Variants in EFCAB13 observed in about 807,000 individuals in gnomAD.
EFCAB13 encodes the protein EF-hand calcium binding domain 13.
In EFCAB13, 91 loss-of-function variants were observed where a neutral mutation model predicts 110.2. The observed-to-expected ratio is 0.83, with a 90% CI of 0.70 to 0.98. The LOEUF is 0.98. Ranked by LOEUF, EFCAB13 falls within the 50% of genes least tolerant of loss-of-function variation. EFCAB13 has a pLI of 0.00. For synonymous variants in EFCAB13, 323 were observed against 369.9 expected, an observed-to-expected ratio of 0.87 and a Z score of 1.45; for missense variants, 968 against 1,119.4, an observed-to-expected ratio of 0.86 and a Z score of 1.93.
At chr17:47,339,953 A>T (rs1191679984) in intron 5 of EFCAB13, 1 of 152,158 alleles carries the variant, frequency 6.6e-6, no homozygotes, top group African/African-American at 2.4e-5. Context: ...ATTAATAAAA[A>T]AGACTACTAT....
In EFCAB13 at chr17:47,438,898, C is replaced by G. The variant is rs372849191; in HGVS notation, c.2639-1533C>G. Among the ~76,000 whole-genome samples, 57 of 152,132 alleles carry G rather than the reference C, an allele frequency of 3.7e-4. 1 individual carries two copies. The highest frequency in any genetic ancestry group is 1.3e-3 in the African/African-American group (53 of 41,514). On this transcript the variant is annotated intron_variant, in intron 24 of 24. Coordinates refer to ENST00000331493, the MANE Select transcript of EFCAB13 (RefSeq NM_152347.5). ...TCACTTTCAGAATCTGTCCTGTACC[C>G]AGGTTCTAATATTAATTTCTGCTTC...
chr17:47,384,636 AATTCTTTTCTTT>A (rs1162753723), intron 14 of EFCAB13, among the ~76,000 whole-genome samples: 1 of 152,082 alleles, frequency 6.6e-6, no homozygotes, highest in Admixed American at 6.5e-5. Context: ...CCAGTTAGAA[AATTCTTTTCTTT>A]AAGAATGTTG....
intron 15 of EFCAB13, 32 bp downstream of exon 15, chr17:47,391,612 G>T: frequency 1.3e-6 from 2 of 1,527,162 alleles, no homozygotes; most frequent in Admixed American, 2.3e-5. Context: ...AAACTGCATT[G>T]ACACATCTGG....
In EFCAB13 at chr17:47,374,820, G is replaced by A. The variant is rs772056120; in HGVS notation, c.1226G>A (p.Ser409Asn). Residue 409 changes from serine (S) to asparagine (N), a missense_variant, in exon 12 of 25, where the codon AGC becomes AAC. By Grantham distance (46) the Ser-to-Asn change is conservative. Transcript: ENST00000331493. ...CATGACTCAAAGTCTAAACCACAAA[G>A]CTTGAAGAGTAGTACAAGCCTCAGT... ...EIHDSKSKPQ[S>N]LKSSTSLSKS... The A allele has an allele frequency of 6.2e-7, 1 of 1,614,040 alleles. No individual in the cohort carries two copies. The highest frequency in any genetic ancestry group is 1.7e-5 in the Admixed American group (1 of 60,014).
At chr17:47,393,607 T>G (rs2065720288) in intron 15 of EFCAB13, among the ~76,000 whole-genome samples, 2 of 151,936 alleles carry the variant, frequency 1.3e-5, no homozygotes, top group Admixed American at 6.6e-5. Context: ...TCCCAGCTGC[T>G]TGGGAGGCTG....
chr17:47,328,801 A>G (rs11867160), intron 4 of EFCAB13: 13,816 of 157,958 alleles, frequency 0.087, 872 homozygotes, highest in East Asian at 0.34. Flanking sequence ...AGATGCCTCC[A>G]CCTTTTTTTG....
chr17:47,397,668 C>T (rs1164925586), intron 17 of EFCAB13, among the ~76,000 whole-genome samples: 83 of 151,890 alleles, frequency 5.5e-4, no homozygotes, highest in African/African-American at 1.8e-3. Context: ...CCCGCCGCCC[C>T]GCCTGGGATG....
chr17:47,422,836 CCAAT>C (rs1253190714), intron 23 of EFCAB13, among the ~76,000 whole-genome samples: 1 of 151,922 alleles, frequency 6.6e-6, no homozygotes, highest in Admixed American at 6.6e-5. Flanking sequence ...CAATGCAATC[CCAAT>C]CAAAAGTCTA....
chr17:47,395,662 G>A (rs955910380), intron 16 of EFCAB13, among the ~76,000 whole-genome samples, 172 bp from the exon 17 acceptor site: 4 of 151,980 alleles, frequency 2.6e-5, no homozygotes, highest in Non-Finnish European at 4.4e-5. Flanking sequence ...TTATATTTTA[G>A]GCTAAATATT....
intron 15 of EFCAB13, 145 bp downstream of exon 15, chr17:47,391,725 G>A (rs1395645780): frequency 4.4e-6 from 3 of 675,676 alleles, no homozygotes; most frequent in African/African-American, 1.9e-5. Flanking sequence ...ATACTCAAAA[G>A]TACAAGAAAA....
chr17:47,331,468 T>TAGAGAGTTA (rs1423001265), intron 4 of EFCAB13, among the ~76,000 whole-genome samples: 1 of 151,938 alleles, frequency 6.6e-6, no homozygotes, highest in African/African-American at 2.4e-5. Flanking sequence ...GAGCAGAAAA[T>TAGAGAGTTA]AGAGAGTTAC....
At chr17:47,430,749 T>C (rs1905099062) in intron 24 of EFCAB13, 1 of 152,118 alleles carries the variant, frequency 6.6e-6, no homozygotes, top group South Asian at 2.1e-4. Context: ...TTCTCAAAAT[T>C]AGTGGATTGT....
At chr17:47,406,550 T>C (rs1168753302) in intron 20 of EFCAB13, among the ~76,000 whole-genome samples, 1 of 152,230 alleles carries the variant, frequency 6.6e-6, no homozygotes, top group Non-Finnish European at 1.5e-5. Context: ...CCTCAACTTT[T>C]ATATTTACTA....
intron 5 of EFCAB13, among the ~76,000 whole-genome samples, chr17:47,341,670 C>CA (rs112526843): frequency 0.023 from 3,432 of 151,446 alleles, 104 homozygotes; most frequent in East Asian, 0.18. Context: ...CCAATCTCTA[C>CA]AAAAAAAGAC....
In EFCAB13 at chr17:47,404,005, A is replaced by G. The variant is rs1171993274; in HGVS notation, c.2145A>G (p.Gln715=). The change falls in exon 19 of 25, where the codon CAA becomes CAG. Residue 715 remains glutamine (Q), a synonymous_variant. Coordinates refer to ENST00000331493, the MANE Select transcript of EFCAB13 (RefSeq NM_152347.5). ...AAGAAGAGGTAGAGAAAATTCTTCA[A>G]TCAGATTTTGTTTCTGGTAAGCATT... is the stretch of plus-strand genomic sequence containing the variant. ...SPKEEVEKIL[Q]SDFVSEDNMV... is the part of the protein sequence containing the mutation. The G allele has an allele frequency of 3.8e-6, 6 of 1,593,602 alleles. No individual in the cohort carries two copies. Among genetic ancestry groups the G allele is most frequent in the Non-Finnish European group, 5.1e-6 (6 of 1,173,018 alleles).
chr17:47,407,692 G>A (rs558518133), intron 20 of EFCAB13, among the ~76,000 whole-genome samples: 7 of 152,266 alleles, frequency 4.6e-5, no homozygotes, highest in African/African-American at 1.7e-4. Context: ...GAGTTGATTT[G>A]ACAGACAACC....
At chr17:47,384,421 C>T (rs1347289759) in intron 14 of EFCAB13, among the ~76,000 whole-genome samples, 7 of 150,442 alleles carry the variant, frequency 4.7e-5, no homozygotes, top group South Asian at 2.1e-4. Flanking sequence ...TCTTTATATA[C>T]GACTGTTTTT....
In EFCAB13 at chr17:47,390,914, G is replaced by GTCTATCTATCTATCTA. The variant is rs1555583667; in HGVS notation, c.1583-508_1583-507insATCTATCTATCTATCT. The stretch of plus-strand genomic sequence containing the variant: ...TATATATGTGTATGTGTGTCTGTCT[G>GTCTATCTATCTATCTA]TCTATCTATCTATCTGTCTATCTAT... On this transcript the variant is annotated intron_variant, in intron 14 of 24. Coordinates refer to ENST00000331493, the MANE Select transcript of EFCAB13 (RefSeq NM_152347.5). Among the ~76,000 whole-genome samples, 215 of 150,260 alleles carry GTCTATCTATCTATCTA rather than the reference G, an allele frequency of 1.4e-3. 2 individuals carry two copies. The highest frequency in any genetic ancestry group is 1.5e-3 in the African/African-American group (60 of 40,850).
At chr17:47,340,804 C>T (rs1007143898) in intron 5 of EFCAB13, among the ~76,000 whole-genome samples, 15 of 108,466 alleles carry the variant, frequency 1.4e-4, no homozygotes, top group African/African-American at 5.1e-4. Context: ...TTAGTAGAGA[C>T]GGGGTTTCAT....
Sources: gnomAD v4.1 joint callset for allele counts (sites outside exome capture counted in the v4.1 genomes callset) on GRCh38, gnomAD v4.1.1 for gene constraint, MANE v1.5 for transcripts, NCBI Gene and HGNC (gene_info 2026-07-23, HGNC 2026-07-21) for gene names.